Variants in AKR1D1 observed in about 807,000 individuals in gnomAD.
The protein encoded by AKR1D1 is delta(4)-3-ketosteroid 5-beta-reductase.
A neutral mutation model predicts 42.6 loss-of-function variants in AKR1D1; 32 were observed. The observed-to-expected ratio is 0.75, with a 90% CI of 0.57 to 1.01. The LOEUF (loss-of-function observed/expected upper bound fraction) is 1.01. AKR1D1 is among the 50% of genes least tolerant of loss of function. The pLI, the probability that AKR1D1 is intolerant of heterozygous loss-of-function variation, is 0.00. For synonymous variants in AKR1D1, 123 were observed against 135.5 expected, an observed-to-expected ratio of 0.91 and a Z score of 0.64; for missense variants, 364 against 402.2, an observed-to-expected ratio of 0.91 and a Z score of 0.81.
At chr7:138,096,362 T>C (rs558515461) in intron 3 of AKR1D1, among the ~76,000 whole-genome samples, 1 of 152,184 alleles carries the variant, frequency 6.6e-6, no homozygotes, top group Non-Finnish European at 1.5e-5. Flanking sequence ...AAGACCAAAG[T>C]ACCAGCACCT....
At chr7:138,093,039 A>G (rs1794113491) in intron 3 of AKR1D1, among the ~76,000 whole-genome samples, 1 of 152,010 alleles carries the variant, frequency 6.6e-6, no homozygotes, top group Non-Finnish European at 1.5e-5. Context: ...ATTCTTTGTA[A>G]TAATACTTAG....
chr7:138,105,890 A>G (rs1483272115), intron 5 of AKR1D1, among the ~76,000 whole-genome samples: 2 of 146,648 alleles, frequency 1.4e-5, no homozygotes, highest in Admixed American at 6.9e-5. Flanking sequence ...GTCTAACAAC[A>G]ACAACAACAA....
intron 4 of AKR1D1, chr7:138,098,198 T>C: frequency 2.4e-6 from 1 of 420,742 alleles, no homozygotes; most frequent in Non-Finnish European, 4.2e-6. Flanking sequence ...AAACAAAATA[T>C]GTTCTAATAT....
chr7:138,100,696 A>ATTTT (rs1794283773), intron 4 of AKR1D1, among the ~76,000 whole-genome samples: 2 of 96,916 alleles, frequency 2.1e-5, no homozygotes, highest in Admixed American at 1.1e-4. Flanking sequence ...ATAGTCAGAG[A>ATTTT]TTCTTTTTTT....
At chr7:138,112,732 A>G (rs1443092849) in intron 7 of AKR1D1, among the ~76,000 whole-genome samples, 1 of 151,094 alleles carries the variant, frequency 6.6e-6, no homozygotes, top group Non-Finnish European at 1.5e-5. Context: ...TCTATTAATA[A>G]TTAAATATAT....
chr7:138,085,961 A>T (rs970278630), intron 1 of AKR1D1, among the ~76,000 whole-genome samples: 3 of 151,882 alleles, frequency 2.0e-5, no homozygotes, highest in Non-Finnish European at 2.9e-5. Context: ...TATTAATAAT[A>T]TGTAGAGGGA....
At chr7:138,105,994 C>T (rs1020209417) in intron 5 of AKR1D1, among the ~76,000 whole-genome samples, 7 of 151,846 alleles carry the variant, frequency 4.6e-5, no homozygotes, top group African/African-American at 1.2e-4. Context: ...CAGAAATTCA[C>T]GAAAGACAAA....
At chr7:138,076,789 G>A (rs1038932109) in intron 1 of AKR1D1, among the ~76,000 whole-genome samples, 178 bp downstream of exon 1, 6 of 152,140 alleles carry the variant, frequency 3.9e-5, no homozygotes, top group African/African-American at 1.2e-4. Context: ...TGAGCCAAAG[G>A]TTAAACTAAA....
rs1243534733 is a variant in AKR1D1 at position 138,091,870 on chromosome 7, C to T, written c.364C>T (p.Pro122Ser). ...TGTGGATCTTTACATCATTGAAGTA[C>T]CCATGGCCTTTAAGGTGAGTTCAGA... is the stretch of plus-strand genomic sequence containing the variant. ...DYVDLYIIEV[P>S]MAFKPGDEIY... The change falls in exon 3 of 9, where the codon CCC becomes TCC. Residue 122 changes from proline (P) to serine (S), a missense_variant. Coordinates refer to ENST00000242375, the MANE Select transcript of AKR1D1 (RefSeq NM_005989.4). 6.2e-7 allele frequency: 1 copy of T among 1,612,506 alleles called. No individual in the cohort carries two copies. The highest frequency in any genetic ancestry group is 1.3e-5 in the African/African-American group (1 of 74,870).
chr7:138,085,587 G>A (rs1803157329), intron 1 of AKR1D1, among the ~76,000 whole-genome samples: 1 of 151,724 alleles, frequency 6.6e-6, no homozygotes, highest in African/African-American at 2.4e-5. Flanking sequence ...TGGGATTACA[G>A]GTGTCTACCA....
At chr7:138,091,084 C>A (rs889235588) in intron 2 of AKR1D1, among the ~76,000 whole-genome samples, 11 of 152,234 alleles carry the variant, frequency 7.2e-5, no homozygotes, top group Admixed American at 1.3e-4. Flanking sequence ...ATTGTGTAAC[C>A]CTAGTTATAC....
intron 4 of AKR1D1, among the ~76,000 whole-genome samples, chr7:138,104,497 A>G (rs545818230): frequency 1.3e-5 from 2 of 152,096 alleles, no homozygotes; most frequent in Non-Finnish European, 2.9e-5. Context: ...CAGGAGTTCG[A>G]GACCAGCCTA....
intron 7 of AKR1D1, among the ~76,000 whole-genome samples, chr7:138,110,490 C>T (rs1035721250): frequency 2.6e-5 from 4 of 152,124 alleles, no homozygotes; most frequent in African/African-American, 7.2e-5. Context: ...CGGTGGCTCA[C>T]TCCTCTAATC....
At chr7:138,089,350 CA>C (rs34727188) in intron 2 of AKR1D1, among the ~76,000 whole-genome samples, 253 of 121,916 alleles carry the variant, frequency 2.1e-3, no homozygotes, top group Middle Eastern at 0.01. Flanking sequence ...GACCCTCTCT[CA>C]AAAAAAAAAA....
chr7:138,088,769 G>C lies in AKR1D1; in HGVS notation c.261+1G>C, dbSNP rs201988060. The C allele has an allele frequency of 3.1e-6, 5 of 1,591,126 alleles. No homozygotes were observed. In the South Asian group the frequency reaches 4.5e-5, roughly 14 times the overall value. ...GGAAGATATCTTCTACTGTGGAAAGGTGAGATCTTGCCTTCAGCCTCCACT... is the reference window on the plus strand; with the variant it reads ...GGAAGATATCTTCTACTGTGGAAAGCTGAGATCTTGCCTTCAGCCTCCACT... On this transcript the variant is annotated splice_donor_variant, in intron 2 of 8. Transcript: ENST00000242375. LOFTEE classifies it high-confidence loss of function.
chr7:138,115,428 A>G (rs1276268984), intron 8 of AKR1D1, among the ~76,000 whole-genome samples: 1 of 152,222 alleles, frequency 6.6e-6, no homozygotes, highest in Non-Finnish European at 1.5e-5. Context: ...CCCTGTCTCA[A>G]AACAAAACAA....
rs886062008 is a variant in AKR1D1, at chr7:138,117,606, T to C, written c.*944T>C. ...ATGAATTTTGAGAATTTTATATGAA[T>C]TTTGAGAAAGCAAGTTCAAAAGAAC... On this transcript the variant is annotated 3_prime_UTR_variant, in exon 9 of 9. Coordinates refer to ENST00000242375, the MANE Select transcript of AKR1D1 (RefSeq NM_005989.4). 5.9e-5 allele frequency: 9 copies of C among 152,230 alleles called. No individual in the cohort carries two copies. The highest frequency in any genetic ancestry group is 5.9e-5 in the Non-Finnish European group (4 of 68,044). 9.4% of individuals were successfully genotyped at this position (152,230 alleles called of 1,614,324 possible).
At chr7:138,078,930 G>A (rs1323459516) in intron 1 of AKR1D1, among the ~76,000 whole-genome samples, 2 of 152,218 alleles carry the variant, frequency 1.3e-5, no homozygotes, top group Non-Finnish European at 2.9e-5. Flanking sequence ...GCAAAGGGAG[G>A]TGGGGGTGCA....
At chr7:138,114,537 G>A (rs2117476991) in intron 8 of AKR1D1, among the ~76,000 whole-genome samples, 1 of 151,724 alleles carries the variant, frequency 6.6e-6, no homozygotes, top group South Asian at 2.1e-4. Context: ...GCAGTTGCCT[G>A]TAATTCCAGC....
Sources: allele counts gnomAD v4.1 joint callset (sites outside exome capture counted in the v4.1 genomes callset), GRCh38; gene constraint gnomAD v4.1.1; transcripts MANE v1.5; gene names NCBI Gene and HGNC (gene_info 2026-07-23, HGNC 2026-07-21).